Variants in PJA2 observed in about 807,000 individuals in gnomAD.
PJA2 encodes E3 ubiquitin-protein ligase Praja-2.
A neutral mutation model predicts 69.3 loss-of-function variants in PJA2; 25 were observed. That is an observed-to-expected ratio of 0.36 (90% CI 0.26 to 0.50). PJA2 has a LOEUF of 0.50. Ranked by LOEUF, PJA2 falls within the 20% of genes least tolerant of loss-of-function variation. PJA2 has a pLI of 0.96. For missense variants in PJA2, 809 were observed against 830.2 expected (o/e 0.97, Z 0.31); for synonymous variants, 308 against 277.8 (o/e 1.11, Z -1.08).
intron 1 of PJA2, among the ~76,000 whole-genome samples, chr5:109,403,316 T>A: frequency 6.6e-6 from 1 of 152,064 alleles, no homozygotes; most frequent in East Asian, 1.9e-4. Flanking sequence ...ACCGAAAGCT[T>A]TCAAGAAGAA....
intron 1 of PJA2, among the ~76,000 whole-genome samples, chr5:109,384,155 T>C (rs528364294): frequency 6.6e-6 from 1 of 152,174 alleles, no homozygotes; most frequent in Non-Finnish European, 1.5e-5. Flanking sequence ...ACCAAACTAT[T>C]TGGGAGTCTA....
chr5:109,398,074 G>A (rs1051917936), intron 1 of PJA2, among the ~76,000 whole-genome samples: 1 of 152,172 alleles, frequency 6.6e-6, no homozygotes, highest in African/African-American at 2.4e-5. Context: ...CTGGCCATCA[G>A]AGAAATGCAA....
chr5:109,376,389 G>A (rs1746889037), intron 4 of PJA2, among the ~76,000 whole-genome samples: 1 of 151,604 alleles, frequency 6.6e-6, no homozygotes, highest in African/African-American at 2.4e-5. Context: ...GTCCTTCAAG[G>A]CAAAGAATAC....
chr5:109,368,782 G>A, intron 4 of PJA2, 36 bp from the exon 5 acceptor site: 4 of 1,560,870 alleles, frequency 2.6e-6, no homozygotes, highest in Non-Finnish European at 3.5e-6. Context: ...ATCATAATGT[G>A]TTCAGTTATT....
intron 1 of PJA2, among the ~76,000 whole-genome samples, chr5:109,406,329 C>T (rs1170309407): frequency 6.6e-6 from 1 of 152,120 alleles, no homozygotes; most frequent in Non-Finnish European, 1.5e-5. Flanking sequence ...CGTGAGCCAC[C>T]GCGCCAGGCC....
At position 109,378,617 on chromosome 5, in the gene PJA2, T is replaced by G. The variant is rs371126323; in HGVS notation, c.870A>C (p.Pro290=). 4.3e-6 allele frequency: 7 copies of G among 1,614,228 alleles called. No homozygotes were observed. The African/African-American group carries it at 8.0e-5, about 18-fold the overall frequency. ...TATTTTGTTCACTACAAATATGCCC[T>G]GGACCACAGGCTGCATCTTCAGGTG... ...EHSPEDAACG[P]GHICSEQNTN... Residue 290 remains proline (P), a synonymous_variant, in exon 4 of 10, where the codon CCA becomes CCC. Transcript: ENST00000361189.
chr5:109,347,343 A>G (rs1762185476), intron 7 of PJA2, among the ~76,000 whole-genome samples: 1 of 152,222 alleles, frequency 6.6e-6, no homozygotes, highest in South Asian at 2.1e-4. Context: ...GACACAAGGA[A>G]AGGACTTTGC....
intron 1 of PJA2, among the ~76,000 whole-genome samples, chr5:109,398,340 G>A (rs375737672): frequency 4.6e-5 from 7 of 151,920 alleles, no homozygotes; most frequent in South Asian, 2.1e-4. Context: ...TGTTTACTGC[G>A]GCACTATTCA....
intron 7 of PJA2, among the ~76,000 whole-genome samples, chr5:109,346,371 G>A (rs1382856751): frequency 2.0e-5 from 3 of 152,100 alleles, no homozygotes; most frequent in African/African-American, 7.2e-5. Context: ...ATTAAAAACA[G>A]AATTATCACA....
At position 109,379,046 on chromosome 5, in the gene PJA2, A is replaced by T; in HGVS notation, c.441T>A (p.Ile147=). 1 of 1,614,112 alleles carries T rather than the reference A, an allele frequency of 6.2e-7. No individual in the cohort carries two copies. The change falls in exon 4 of 10, where the codon ATT becomes ATA. Residue 147 remains isoleucine, a synonymous_variant. Transcript: ENST00000361189. ...NLHNHSEGEY[I]PGACSASSVQ... is the part of the protein sequence containing the mutation. ...CACTTGAAGCACTACAAGCTCCTGG[A>T]ATATACTCTCCCTCAGAGTGATTAT... is the stretch of plus-strand genomic sequence containing the variant.
intron 7 of PJA2, among the ~76,000 whole-genome samples, chr5:109,353,781 A>G: frequency 7.0e-6 from 1 of 143,522 alleles, no homozygotes; most frequent in Admixed American, 7.1e-5. Context: ...TCTATAGATT[A>G]GATGTCTATG....
intron 7 of PJA2, among the ~76,000 whole-genome samples, chr5:109,350,321 G>C (rs1762229825): frequency 6.6e-6 from 1 of 151,676 alleles, no homozygotes; most frequent in Non-Finnish European, 1.5e-5. Flanking sequence ...CCTTTAGGCA[G>C]TACAATGTAT....
rs915453643 is a variant in PJA2 at position 109,379,035 on chromosome 5, C to T, written c.452G>A (p.Cys151Tyr). The change falls in exon 4 of 10, where the codon TGT (cysteine) becomes TAT (tyrosine). Residue 151 changes from cysteine (C) to tyrosine (Y), a missense_variant. Physicochemically the swap from Cys to Tyr is radical, Grantham distance 194 (BLOSUM62 -2). Transcript: ENST00000361189. ...HSEGEYIPGA[C>Y]SASSVQNGIA... The stretch of plus-strand genomic sequence containing the variant: ...TCCATTTTGGACACTTGAAGCACTA[C>T]AAGCTCCTGGAATATACTCTCCCTC... 4 of 1,613,992 alleles carry T rather than the reference C, an allele frequency of 2.5e-6. No homozygotes were observed. The African/African-American group carries it at 4.0e-5, about 16-fold the overall frequency.
intron 9 of PJA2, among the ~76,000 whole-genome samples, chr5:109,338,636 C>CA (rs11336749): frequency 0.045 from 2,731 of 60,268 alleles, 81 homozygotes; most frequent in African/African-American, 0.091. Context: ...AACTCCGTCT[C>CA]AAAAAAAAAA....
Position 109,347,739 on chromosome 5 carries a change from G to C in PJA2, c.1765-2920C>G, listed in dbSNP as rs556675698. Among the ~76,000 whole-genome samples, 6 of 152,320 alleles carry C rather than the reference G, an allele frequency of 3.9e-5. No individual in the cohort carries two copies. In the South Asian group the frequency reaches 1.2e-3, roughly 32 times the overall value. On this transcript the variant is annotated intron_variant, in intron 7 of 9. Transcript: ENST00000361189. ...TCTGGCTCTCAGCCTTAGACAGGAG[G>C]GAAGTAGAGTGCTCCATCTCAGCCC...
intron 1 of PJA2, among the ~76,000 whole-genome samples, chr5:109,391,604 C>A (rs955992447): frequency 6.6e-6 from 1 of 151,366 alleles, no homozygotes; most frequent in African/African-American, 2.4e-5. Flanking sequence ...AAACACCTAC[C>A]AAGTGAGTGT....
intron 1 of PJA2, among the ~76,000 whole-genome samples, chr5:109,393,020 T>G (rs542771137): frequency 1.2e-4 from 19 of 152,192 alleles, no homozygotes; most frequent in African/African-American, 4.3e-4. Flanking sequence ...AATTTAAAAT[T>G]TCCATTCATA....
chr5:109,367,042 G>C (rs1045365414), intron 5 of PJA2, among the ~76,000 whole-genome samples: 3 of 151,224 alleles, frequency 2.0e-5, no homozygotes, highest in African/African-American at 7.3e-5. Flanking sequence ...TGAGGCAGGA[G>C]AATCACTTGA....
chr5:109,377,264 T>C (rs903667672), intron 4 of PJA2, among the ~76,000 whole-genome samples: 2 of 152,148 alleles, frequency 1.3e-5, no homozygotes, highest in African/African-American at 4.8e-5. Flanking sequence ...TCTTCCTTTA[T>C]AGTACTTTCT....
Sources: allele counts gnomAD v4.1 joint callset (sites outside exome capture counted in the v4.1 genomes callset), GRCh38; gene constraint gnomAD v4.1.1; transcripts MANE v1.5; gene names NCBI Gene and HGNC (gene_info 2026-07-23, HGNC 2026-07-21).